The following INPP4B variants were observed in gnomAD, a reference collection of about 807,000 sequenced individuals.
The protein encoded by INPP4B is inositol polyphosphate 4-phosphatase type II.
Under a neutral mutation model 122.5 loss-of-function variants are expected in INPP4B, and 55 were observed. That is an observed-to-expected ratio of 0.45 (90% CI 0.36 to 0.56). The LOEUF is 0.56. Ranked by LOEUF, INPP4B falls within the 20% of genes least tolerant of loss-of-function variation. INPP4B has a pLI of 0.00. For missense variants in INPP4B, 1,000 were observed against 1,097.7 expected, an observed-to-expected ratio of 0.91 and a Z score of 1.26; for synonymous variants, 403 against 388.7, an observed-to-expected ratio of 1.04 and a Z score of -0.43.
chr4:142,469,970 A>T (rs1207203300), intron 2 of INPP4B, among the ~76,000 whole-genome samples: 2 of 152,148 alleles, frequency 1.3e-5, no homozygotes, highest in African/African-American at 4.8e-5. Flanking sequence ...AGAATAAAAT[A>T]AATTATGTTC....
At chr4:142,650,410 A>G (rs962796601) in intron 2 of INPP4B, among the ~76,000 whole-genome samples, 1 of 152,224 alleles carries the variant, frequency 6.6e-6, no homozygotes, top group African/African-American at 2.4e-5. Context: ...CAATTAAAAG[A>G]CACAGACTGG....
At chr4:142,737,296 G>T (rs913876904) in intron 1 of INPP4B, among the ~76,000 whole-genome samples, 1 of 152,116 alleles carries the variant, frequency 6.6e-6, no homozygotes, top group Admixed American at 6.5e-5. Context: ...AGAGTCCTCA[G>T]AAATAATGCC....
intron 2 of INPP4B, among the ~76,000 whole-genome samples, chr4:142,690,656 G>A (rs969753894): frequency 2.0e-5 from 3 of 152,170 alleles, no homozygotes; most frequent in Non-Finnish European, 4.4e-5. Flanking sequence ...AAAAGGACTG[G>A]AGAAGGAATT....
chr4:142,494,177 T>C (rs1426634260), intron 2 of INPP4B, among the ~76,000 whole-genome samples: 1 of 152,144 alleles, frequency 6.6e-6, no homozygotes. Context: ...CAATTAAACT[T>C]CTTTCATTTA....
intron 1 of INPP4B, among the ~76,000 whole-genome samples, chr4:142,755,709 G>T: frequency 6.6e-6 from 1 of 151,966 alleles, no homozygotes; most frequent in East Asian, 1.9e-4. Context: ...CATGTGATCA[G>T]TATAATAGTT....
chr4:142,430,473 T>C (rs1809069015), intron 4 of INPP4B, among the ~76,000 whole-genome samples: 1 of 152,106 alleles, frequency 6.6e-6, no homozygotes, highest in African/African-American at 2.4e-5. Flanking sequence ...TATTTGCCAG[T>C]GTTAAATAAT....
At chr4:142,385,110 C>T (rs1795519262) in intron 7 of INPP4B, among the ~76,000 whole-genome samples, 1 of 152,124 alleles carries the variant, frequency 6.6e-6, no homozygotes, top group Non-Finnish European at 1.5e-5. Context: ...ATTTATATTT[C>T]TTTGGGTAAA....
intron 1 of INPP4B, among the ~76,000 whole-genome samples, chr4:142,729,359 G>C (rs1452502741): frequency 1.3e-5 from 2 of 152,096 alleles, no homozygotes; most frequent in Non-Finnish European, 2.9e-5. Context: ...GTGACAAACT[G>C]ACTTACAGTT....
At chr4:142,751,776 C>T (rs1219206571) in intron 1 of INPP4B, among the ~76,000 whole-genome samples, 1 of 152,080 alleles carries the variant, frequency 6.6e-6, no homozygotes, top group Non-Finnish European at 1.5e-5. Context: ...GATTCTATCA[C>T]TTATTCCACA....
chr4:142,153,534 C>T (rs953652303), intron 17 of INPP4B, among the ~76,000 whole-genome samples: 23 of 152,118 alleles, frequency 1.5e-4, no homozygotes, highest in Admixed American at 1.3e-3. Flanking sequence ...TTGAACCAGG[C>T]ATTATAAATG....
At chr4:142,601,968 CAAAAAAAAA>C (rs70949178) in intron 2 of INPP4B, among the ~76,000 whole-genome samples, 4 of 74,904 alleles carry the variant, frequency 5.3e-5, no homozygotes, top group Non-Finnish European at 1.0e-4. Flanking sequence ...GACTCCATCT[CAAAAAAAAA>C]AAAAAAAAAA....
chr4:142,105,100 C>T (rs1044210258), intron 23 of INPP4B, among the ~76,000 whole-genome samples: 10 of 151,986 alleles, frequency 6.6e-5, no homozygotes, highest in Admixed American at 1.3e-4. Flanking sequence ...GTTCTAGATC[C>T]CATGAATTCC....
chr4:142,782,242 T>A (rs2151031320), intron 1 of INPP4B, among the ~76,000 whole-genome samples: 1 of 151,996 alleles, frequency 6.6e-6, no homozygotes, highest in East Asian at 1.9e-4. Flanking sequence ...GTTTGGTTTT[T>A]TGTCCTTGCA....
intron 16 of INPP4B, among the ~76,000 whole-genome samples, chr4:142,161,966 G>C (rs1048365635): frequency 1.3e-5 from 2 of 151,544 alleles, no homozygotes; most frequent in African/African-American, 4.8e-5. Flanking sequence ...CTCACCACCC[G>C]CCATAAAACT....
At chr4:142,610,817 A>T (rs1043026280) in intron 2 of INPP4B, among the ~76,000 whole-genome samples, 1 of 152,188 alleles carries the variant, frequency 6.6e-6, no homozygotes, top group Non-Finnish European at 1.5e-5. Flanking sequence ...TTACAAACTG[A>T]AAAGTTGCAT....
chr4:142,209,728 A>G (rs7688226), intron 12 of INPP4B, among the ~76,000 whole-genome samples: 146,701 of 147,602 alleles, frequency 0.99, 72,908 homozygotes, highest in Middle Eastern at 1. Context: ...AGGAGGTGGA[A>G]GTTGCAGTGA....
chr4:142,121,686 G>T (rs1796608054), intron 21 of INPP4B, among the ~76,000 whole-genome samples: 1 of 152,020 alleles, frequency 6.6e-6, no homozygotes, highest in African/African-American at 2.4e-5. Context: ...AAGAAAAATG[G>T]TGGTATATTC....
At chr4:142,816,520 A>G (rs1394340423) in intron 1 of INPP4B, among the ~76,000 whole-genome samples, 1 of 152,104 alleles carries the variant, frequency 6.6e-6, no homozygotes, top group Non-Finnish European at 1.5e-5. Flanking sequence ...ACTTCCAGTC[A>G]TTTCTCTAGG....
rs1177259006 is a variant in INPP4B, at chr4:142,369,583, T to TAAAA, written c.372+33351_372+33354dup. Reference sequence around the variant, plus strand: ...CAGAATGAGACCCTGTCTCGAAAATTAAAAAAATAAATAAATAAATAAATA... The same window carrying TAAAA: ...CAGAATGAGACCCTGTCTCGAAAATTAAAAAAAAAAATAAATAAATAAATAAATA... On this transcript the variant is annotated intron_variant, in intron 7 of 25. Coordinates refer to ENST00000262992, the MANE Select transcript of INPP4B (RefSeq NM_001101669.3). 3.2e-3 allele frequency among the ~76,000 whole-genome samples: 326 copies of TAAAA among 102,538 alleles called. 1 individual carries two copies. Among genetic ancestry groups the TAAAA allele is most frequent in the South Asian group, 0.027 (81 of 2,960 alleles). The allele number at this position is 102,538 out of a possible 152,430, so 67.3% of individuals were successfully genotyped here. A position where few individuals can be genotyped will look rare whatever the true frequency, so the allele number is the denominator to read the frequency against.
Sources: allele counts gnomAD v4.1 joint callset (sites outside exome capture counted in the v4.1 genomes callset), GRCh38; gene constraint gnomAD v4.1.1; transcripts MANE v1.5; gene names NCBI Gene and HGNC (gene_info 2026-07-23, HGNC 2026-07-21).